Variants in F5 observed in about 807,000 individuals in gnomAD.
F5 encodes coagulation factor V.
In F5, 138 loss-of-function variants were observed where a neutral mutation model predicts 216.4. That is an observed-to-expected ratio of 0.64 (90% confidence interval 0.56 to 0.73). F5 has a LOEUF of 0.73. F5 is among the 30% of genes least tolerant of loss of function. The pLI, the probability that F5 is intolerant of heterozygous loss-of-function variation, is 0.00. For missense variants in F5, 2,403 were observed against 2,674.0 expected (o/e 0.90, Z 2.24); for synonymous variants, 916 against 930.7 (o/e 0.98, Z 0.29).
rs764762346 is a variant in F5 at position 169,541,352 on chromosome 1, A to C, written c.3738T>G (p.His1246Gln). ...SHTTLSPDLS[H>Q]TTLSLDLSQT... Reference sequence around the variant, plus strand: ...GGCTGAGGTCTAAAGAAAGGGTTGTATGGCTGAGGTCTGGAGAAAGGGTTG... The same window carrying C: ...GGCTGAGGTCTAAAGAAAGGGTTGTCTGGCTGAGGTCTGGAGAAAGGGTTG... Residue 1246 changes from histidine (H) to glutamine (Q), a missense_variant, in exon 13 of 25, where the codon CAT becomes CAG. By Grantham distance (24) the His-to-Gln change is conservative (BLOSUM62 0). Transcript: ENST00000367797. The C allele has an allele frequency of 1.1e-5, 17 of 1,543,300 alleles. No homozygotes were observed. In the African/African-American group the frequency reaches 2.1e-4, roughly 19 times the overall value.
chr1:169,520,735 C>T (rs1166218381), intron 21 of F5, 71 bp from the exon 22 acceptor site: 3 of 1,309,338 alleles, frequency 2.3e-6, no homozygotes, highest in Non-Finnish European at 1.1e-6. Context: ...AAATTTTGAT[C>T]TAATTTAATA....
intron 17 of F5, among the ~76,000 whole-genome samples, chr1:169,527,070 C>T (rs1000810290): frequency 6.6e-6 from 1 of 152,116 alleles, no homozygotes; most frequent in African/African-American, 2.4e-5. Context: ...GAGGGGCTGC[C>T]TTCACTAACT....
chr1:169,576,165 T>C (rs1360024303), intron 2 of F5, among the ~76,000 whole-genome samples: 2 of 152,170 alleles, frequency 1.3e-5, no homozygotes, highest in Non-Finnish European at 2.9e-5. Context: ...AAACCCATTT[T>C]GGACTTCTCA....
chr1:169,532,598 C>T (rs549699541), intron 14 of F5, among the ~76,000 whole-genome samples: 8 of 151,076 alleles, frequency 5.3e-5, no homozygotes, highest in Admixed American at 1.3e-4. Flanking sequence ...AAACTGAGAG[C>T]GAAATCAAGA....
At chr1:169,567,131 C>A (rs1388258319) in intron 3 of F5, among the ~76,000 whole-genome samples, 1 of 151,814 alleles carries the variant, frequency 6.6e-6, no homozygotes, top group African/African-American at 2.4e-5. Context: ...AGACTGCCAT[C>A]TTCTCCTTGT....
intron 12 of F5, among the ~76,000 whole-genome samples, chr1:169,543,443 G>A (rs758000541): frequency 7.4e-6 from 1 of 136,004 alleles, no homozygotes; most frequent in Non-Finnish European, 1.7e-5. Context: ...GGGGAAAAAA[G>A]GTCTTTCAGC....
At chr1:169,528,658 A>G (rs1310598537) in intron 16 of F5, among the ~76,000 whole-genome samples, 4 of 152,300 alleles carry the variant, frequency 2.6e-5, no homozygotes, top group South Asian at 2.1e-4. Flanking sequence ...CACTTCTCAG[A>G]TTAGATAACT....
chr1:169,549,123 A>G (rs1297184018), intron 10 of F5, among the ~76,000 whole-genome samples: 1 of 152,130 alleles, frequency 6.6e-6, no homozygotes, highest in Non-Finnish European at 1.5e-5. Context: ...TTTTCTAGGC[A>G]TATGTTTATT....
rs1030939168 is a variant in F5 at position 169,513,685 on chromosome 1, A to G, written c.*628T>C. ...ACCATGGTTATTTCAGTTCTGTTCC[A>G]TATCTAATGACCACCAACCTTGAAT... On this transcript the variant is annotated 3_prime_UTR_variant, in exon 25 of 25. Coordinates refer to ENST00000367797, the MANE Select transcript of F5 (RefSeq NM_000130.5). 2.6e-5 allele frequency among the ~76,000 whole-genome samples: 4 copies of G among 152,096 alleles called. No individual in the cohort carries two copies. Among genetic ancestry groups the G allele is most frequent in the African/African-American group, 9.7e-5 (4 of 41,438 alleles).
In F5 at chr1:169,530,992, AC is replaced by A. The variant is rs1659584606; in HGVS notation, c.5001del (p.Tyr1668IlefsTer67). On this transcript the variant is annotated frameshift_variant, in exon 15 of 25. Transcript: ENST00000367797. LOFTEE classifies it high-confidence loss of function. ...GAAAGTCCATGGGCATGTAGAGAAT[AC>A]GGTCTGGATGCTAAATTTTTAAAAC... ...QVRFKNLASR[P>X]YSLHAHGLSY... is the part of the protein sequence containing the mutation. 1 of 1,613,460 alleles carries A rather than the reference AC, an allele frequency of 6.2e-7. No homozygotes were observed. The highest frequency in any genetic ancestry group is 1.3e-5 in the African/African-American group (1 of 74,914).
Position 169,542,639 on chromosome 1 carries a change from G to A in F5, c.2451C>T (p.Asn817=), listed in dbSNP as rs752531060. Residue 817 remains asparagine (N), a synonymous_variant, in exon 13 of 25, where the codon AAC becomes AAT. Transcript: ENST00000367797. ...CTGCTGTGGAAGAATTGAGAACTGA[G>A]TTCTTGCCAATGAGGTGTCTCAGTG... ...GSPLRHLIGK[N]SVLNSSTAEH... The A allele has an allele frequency of 6.2e-7, 1 of 1,614,126 alleles. No individual in the cohort carries two copies. Among genetic ancestry groups the A allele is most frequent in the South Asian group, 1.1e-5 (1 of 91,080 alleles).
At position 169,536,664 on chromosome 1, in the gene F5, C is replaced by G. The variant is rs201640368; in HGVS notation, c.4813G>C (p.Asp1605His). The G allele has an allele frequency of 3.7e-5, 59 of 1,610,834 alleles. No homozygotes were observed. The African/African-American group carries it at 6.0e-4, about 16-fold the overall frequency. ...EFVQRETDIE[D>H]SDDIPEDTTY... ...GTATCTTCTGGAATATCATCAGAGTCTTCAATATCTGTTTCCCTGAAATAA... is the reference window on the plus strand; with the variant it reads ...GTATCTTCTGGAATATCATCAGAGTGTTCAATATCTGTTTCCCTGAAATAA... Residue 1605 changes from aspartate to histidine, a missense_variant, in exon 14 of 25, where the codon GAC (aspartate) becomes CAC (histidine). By Grantham distance (81) the Asp-to-His change is moderately conservative. This residue lies in a region of F5 where 659 missense variants were observed against 787.9 expected (regional missense o/e 0.84). Transcript: ENST00000367797.
chr1:169,575,055 A>G (rs187205773), intron 2 of F5, among the ~76,000 whole-genome samples: 1 of 152,302 alleles, frequency 6.6e-6, no homozygotes, highest in East Asian at 1.9e-4. Context: ...TTCAATTTAA[A>G]CCTATGGTAA....
chr1:169,552,630 G>A lies in F5; in HGVS notation c.1223C>T (p.Thr408Ile), dbSNP rs1343393357. ...QYEDESFTKH[T>I]VNPNMKEDGI... ...ATCTTCTTTCATATTGGGATTCACTGTATGTTTGGTGAAGGACTCATCTTC... is the reference window on the plus strand; with the variant it reads ...ATCTTCTTTCATATTGGGATTCACTATATGTTTGGTGAAGGACTCATCTTC... The change falls in exon 8 of 25, where the codon ACA becomes ATA. Residue 408 changes from threonine (T) to isoleucine (I), a missense_variant. Around this residue, in one of 4 missense-constraint regions of F5, gnomAD observed 1,425 missense variants for 1,554.8 expected, o/e 0.92. Coordinates refer to ENST00000367797, the MANE Select transcript of F5 (RefSeq NM_000130.5). The A allele has an allele frequency of 2.5e-6, 4 of 1,613,260 alleles. No individual in the cohort carries two copies. In the Admixed American group the frequency reaches 5.0e-5, roughly 20 times the overall value.
chr1:169,539,247 G>A (rs557655896), intron 13 of F5, among the ~76,000 whole-genome samples: 14 of 152,084 alleles, frequency 9.2e-5, no homozygotes, highest in Middle Eastern at 3.4e-3. Flanking sequence ...CCTTTCTTCT[G>A]GTCTACCTCC....
chr1:169,512,989 A>G lies in F5; in HGVS notation c.*1324T>C, dbSNP rs544989242. Among the ~76,000 whole-genome samples, 7 of 152,082 alleles carry G rather than the reference A, an allele frequency of 4.6e-5. No homozygotes were observed. Among genetic ancestry groups the G allele is most frequent in the African/African-American group, 9.6e-5 (4 of 41,494 alleles). Reference sequence around the variant, plus strand: ...CTCTTTGTTCTCATTGGTTTTAAGGAACTTATTTATTTCTGCCTTAATTTC... The same window carrying G: ...CTCTTTGTTCTCATTGGTTTTAAGGGACTTATTTATTTCTGCCTTAATTTC... On this transcript the variant is annotated 3_prime_UTR_variant, in exon 25 of 25. Transcript: ENST00000367797.
In F5 at chr1:169,521,658, G is replaced by A. The variant is rs187514755; in HGVS notation, c.6049-994C>T. Among the ~76,000 whole-genome samples the A allele has an allele frequency of 4.9e-3, 614 of 124,314 alleles. 3 individuals carry two copies. The highest frequency in any genetic ancestry group is 0.018 in the African/African-American group (584 of 32,254). 81.6% of individuals were successfully genotyped at this position (124,314 alleles called of 152,430 possible). A position where few individuals can be genotyped will look rare whatever the true frequency, so the allele number is the denominator to read the frequency against. ...TTTTTTTGAGACGGAGTCTCACTCC[G>A]TCACCAGGCTGGAGTGCAGTGGCGT... is the stretch of plus-strand genomic sequence containing the variant. On this transcript the variant is annotated intron_variant, in intron 21 of 24. Transcript: ENST00000367797.
chr1:169,564,688 T>C (rs1255343562), intron 3 of F5, among the ~76,000 whole-genome samples: 1 of 152,118 alleles, frequency 6.6e-6, no homozygotes, highest in Non-Finnish European at 1.5e-5. Context: ...AATGTCAGCT[T>C]CCCTTCTTTA....
rs1432021329 is a variant in F5 at position 169,555,361 on chromosome 1, G to T, written c.953-14C>A. 1.2e-6 allele frequency: 2 copies of T among 1,613,438 alleles called. No homozygotes were observed. Among genetic ancestry groups the T allele is most frequent in the African/African-American group, 1.3e-5 (1 of 74,862 alleles). ...CCTGCATCCCAGCTGAGTTAGGACAGAAAGACAATGAAATAACTCAAGAGA... is the reference window on the plus strand; with the variant it reads ...CCTGCATCCCAGCTGAGTTAGGACATAAAGACAATGAAATAACTCAAGAGA... On this transcript the variant is annotated splice_polypyrimidine_tract_variant and intron_variant, in intron 6 of 24. Transcript: ENST00000367797.
Sources: gnomAD v4.1 joint callset for allele counts (sites outside exome capture counted in the v4.1 genomes callset) on GRCh38, gnomAD v4.1.1 for gene constraint, gnomAD v4.1.1 regional missense constraint, MANE v1.5 for transcripts, NCBI Gene and HGNC (gene_info 2026-07-23, HGNC 2026-07-21) for gene names.